The following ARID1B variants were observed in gnomAD, a reference collection of about 807,000 sequenced individuals.
The protein encoded by ARID1B is AT-rich interaction domain 1B, also known as AT-rich interactive domain-containing protein 1B.
ARID1B carries 30 observed loss-of-function variants against 212.3 expected under a neutral mutation model. That is an observed-to-expected ratio of 0.14 (90% confidence interval 0.11 to 0.19). ARID1B has a LOEUF of 0.19. Among genes scored for constraint, ARID1B ranks in the 10% least tolerant of loss-of-function variants. The pLI, the probability that ARID1B is intolerant of heterozygous loss-of-function variation, is 1.00. For synonymous variants in ARID1B, 1,402 were observed against 1,301.7 expected (o/e 1.08, Z -1.66); for missense variants, 2,891 against 3,204.0 (o/e 0.90, Z 2.36).
In ARID1B at chr6:156,816,302, A is replaced by G. The variant is rs1013241985; in HGVS notation, c.1792-12925A>G. On this transcript the variant is annotated intron_variant, in intron 1 of 19. Coordinates refer to ENST00000636930, the MANE Select transcript of ARID1B (RefSeq NM_001374828.1). ...TAATTTTATTACTTATACTTGACAC[A>G]GCTAGGAAGACAGTACAATATTGTT... 5.3e-5 allele frequency among the ~76,000 whole-genome samples: 8 copies of G among 152,240 alleles called. No individual in the cohort carries two copies. The East Asian group carries it at 1.2e-3, about 22-fold the overall frequency.
intron 2 of ARID1B, among the ~76,000 whole-genome samples, chr6:156,830,790 A>G (rs1783091880): frequency 6.6e-6 from 1 of 152,050 alleles, no homozygotes; most frequent in African/African-American, 2.4e-5. Flanking sequence ...TCTTTTATTT[A>G]TAAAATAAGA....
chr6:156,989,243 C>G (rs574637424), intron 4 of ARID1B, among the ~76,000 whole-genome samples: 2 of 152,218 alleles, frequency 1.3e-5, no homozygotes, highest in Non-Finnish European at 2.9e-5. Flanking sequence ...TCTACTCCCA[C>G]GTCTTCCATG....
At chr6:157,142,493 G>T (rs1159691501) in intron 7 of ARID1B, among the ~76,000 whole-genome samples, 1 of 152,052 alleles carries the variant, frequency 6.6e-6, no homozygotes, top group Non-Finnish European at 1.5e-5. Context: ...TAGCATGGTA[G>T]TACACACCTG....
chr6:157,036,057 T>C (rs1054150938), intron 4 of ARID1B, among the ~76,000 whole-genome samples: 6 of 152,220 alleles, frequency 3.9e-5, no homozygotes, highest in Admixed American at 1.3e-4. Flanking sequence ...CCACCCCGTC[T>C]TCCTCTTTAA....
At chr6:157,046,923 G>A (rs921800832) in intron 4 of ARID1B, among the ~76,000 whole-genome samples, 1 of 152,008 alleles carries the variant, frequency 6.6e-6, no homozygotes, top group Non-Finnish European at 1.5e-5. Flanking sequence ...CTTATTTTAG[G>A]CACTGTCTAG....
At chr6:157,182,098 A>T (rs1318218688) in intron 12 of ARID1B, among the ~76,000 whole-genome samples, 3 of 151,852 alleles carry the variant, frequency 2.0e-5, no homozygotes, top group Non-Finnish European at 4.4e-5. Flanking sequence ...AAACTACAAA[A>T]CTTAGCCGGG....
At chr6:157,063,738 G>C (rs1783500004) in intron 4 of ARID1B, among the ~76,000 whole-genome samples, 1 of 152,214 alleles carries the variant, frequency 6.6e-6, no homozygotes, top group African/African-American at 2.4e-5. Context: ...TCTAGTCCTT[G>C]TACAATATGC....
intron 2 of ARID1B, among the ~76,000 whole-genome samples, chr6:156,893,986 AC>A (rs1788171018): frequency 6.6e-6 from 1 of 152,056 alleles, no homozygotes; most frequent in Non-Finnish European, 1.5e-5. Context: ...ATATTTGTAA[AC>A]CCCTATTCAG....
intron 8 of ARID1B, chr6:157,150,632 C>T (rs1790125867): frequency 1.2e-5 from 2 of 170,216 alleles, no homozygotes; most frequent in East Asian, 2.2e-4. Flanking sequence ...GGTCTGTAAG[C>T]CCCGCACCTA....
intron 4 of ARID1B, among the ~76,000 whole-genome samples, chr6:156,985,994 A>G (rs979631680): frequency 2.6e-5 from 4 of 152,212 alleles, no homozygotes; most frequent in Admixed American, 2.6e-4. Flanking sequence ...CAGTAAAAGT[A>G]TTCCTGCCTC....
At chr6:157,143,974 C>T (rs192812852) in intron 7 of ARID1B, among the ~76,000 whole-genome samples, 7 of 152,354 alleles carry the variant, frequency 4.6e-5, no homozygotes, top group Admixed American at 1.3e-4. Flanking sequence ...TGCACACACG[C>T]GTGTCTTGGT....
intron 4 of ARID1B, 108 bp from the exon 5 acceptor site, chr6:157,084,554 A>G: frequency 1.4e-6 from 2 of 1,407,872 alleles, no homozygotes; most frequent in Non-Finnish European, 1.9e-6. Context: ...GGTGTTACCC[A>G]GAAAACCTTC....
chr6:157,037,426 C>T (rs1282462250), intron 4 of ARID1B, among the ~76,000 whole-genome samples: 2 of 152,156 alleles, frequency 1.3e-5, no homozygotes, highest in Non-Finnish European at 2.9e-5. Context: ...GGCTGCGAGT[C>T]GGGTGGAGTG....
chr6:156,862,261 AGCCGTGGTGT>A (rs1241900348), intron 2 of ARID1B, among the ~76,000 whole-genome samples: 2 of 152,234 alleles, frequency 1.3e-5, no homozygotes, highest in Non-Finnish European at 2.9e-5. Flanking sequence ...CTTAACAAAT[AGCCGTGGTGT>A]GCCCCATCCT....
At chr6:156,988,764 T>G (rs974893583) in intron 4 of ARID1B, among the ~76,000 whole-genome samples, 3 of 152,200 alleles carry the variant, frequency 2.0e-5, no homozygotes, top group Admixed American at 2.0e-4. Flanking sequence ...TTGAGCCATC[T>G]GATAGGGAGG....
At chr6:156,870,360 T>C (rs1011488189) in intron 2 of ARID1B, 1 of 152,178 alleles carries the variant, frequency 6.6e-6, no homozygotes, top group Admixed American at 6.5e-5. Flanking sequence ...GGCTGGATGC[T>C]AGCAGGGAGC....
At chr6:156,993,039 C>T (rs1583098826) in intron 4 of ARID1B, among the ~76,000 whole-genome samples, 1 of 144,000 alleles carries the variant, frequency 6.9e-6, no homozygotes, top group African/African-American at 2.7e-5. Flanking sequence ...TATATATATG[C>T]TTTCGCTTTT....
At chr6:156,873,607 C>T (rs567301769) in intron 2 of ARID1B, among the ~76,000 whole-genome samples, 22 of 152,314 alleles carry the variant, frequency 1.4e-4, no homozygotes, top group African/African-American at 5.1e-4. Flanking sequence ...TGGTTGGCTG[C>T]GTGCAGAGCT....
At chr6:156,929,342 T>C (rs1199874017) in intron 3 of ARID1B, among the ~76,000 whole-genome samples, 1 of 152,164 alleles carries the variant, frequency 6.6e-6, no homozygotes, top group African/African-American at 2.4e-5. Context: ...ACACAGAAAG[T>C]GGAGGGAGGT....
Sources: allele counts gnomAD v4.1 joint callset (sites outside exome capture counted in the v4.1 genomes callset), GRCh38; gene constraint gnomAD v4.1.1; transcripts MANE v1.5; gene names NCBI Gene and HGNC (gene_info 2026-07-23, HGNC 2026-07-21).